Variants in CIART observed in about 807,000 individuals in gnomAD.
CIART encodes the protein circadian associated repressor of transcription, also known as circadian-associated transcriptional repressor.
In CIART, 7 loss-of-function variants were observed where a neutral mutation model predicts 22.1. That is an observed-to-expected ratio of 0.32 (90% CI 0.18 to 0.59). The LOEUF (loss-of-function observed/expected upper bound fraction) is 0.59. Ranked by LOEUF, CIART falls within the 20% of genes least tolerant of loss-of-function variation. The pLI is 0.86. For synonymous variants in CIART, 163 were observed against 174.6 expected (o/e 0.93, Z 0.53); for missense variants, 440 against 478.0 (o/e 0.92, Z 0.74).
chr1:150,284,148 G>C (rs1487308590), intron 2 of CIART, among the ~76,000 whole-genome samples: 1 of 151,814 alleles, frequency 6.6e-6, no homozygotes, highest in African/African-American at 2.4e-5. Context: ...CTCCCCAGTC[G>C]CTGGGATTAC....
intron 4 of CIART, among the ~76,000 whole-genome samples, chr1:150,286,163 G>GT (rs2101894068): frequency 6.6e-6 from 1 of 152,226 alleles, no homozygotes; most frequent in African/African-American, 2.4e-5. Flanking sequence ...GGAACTGTTT[G>GT]TTTTTTCTTC....
chr1:150,283,001 G>T lies in CIART; in HGVS notation c.-267G>T. The T allele has an allele frequency of 4.1e-6, 1 of 245,634 alleles. No homozygotes were observed. Among genetic ancestry groups the T allele is most frequent in the Non-Finnish European group, 7.8e-6 (1 of 128,428 alleles). The allele number at this position is 245,634 out of a possible 1,614,324, so 15.2% of individuals were successfully genotyped here. A position where few individuals can be genotyped will look rare whatever the true frequency, so the allele number is the denominator to read the frequency against. On this transcript the variant is annotated 5_prime_UTR_variant, in exon 1 of 5. Transcript: ENST00000290363. ...AAAAGAACGGAGGCCGCGTCAGACC[G>T]AGAGCTGCTCTGCGGCGGCCAGAGA...
Position 150,286,536 on chromosome 1 carries a change from C to T in CIART, c.740C>T (p.Pro247Leu), listed in dbSNP as rs782713096. ...CATCTAGCTTTAAAACCAAAGCAGC[C>T]TTGGCACCTCACACAATGGCCAGCT... The part of the protein sequence containing the change: ...LGHLALKPKQ[P>L]WHLTQWPAMN... The change falls in exon 5 of 5, where the codon CCT (proline) becomes CTT (leucine). Residue 247 changes from proline to leucine, a missense_variant. Coordinates refer to ENST00000290363, the MANE Select transcript of CIART (RefSeq NM_144697.4). The T allele has an allele frequency of 5.0e-6, 8 of 1,600,032 alleles. No individual in the cohort carries two copies. The South Asian group carries it at 7.7e-5, about 15-fold the overall frequency.
In CIART at chr1:150,286,918, T is replaced by G. The variant is rs782712457; in HGVS notation, c.1122T>G (p.Pro374=). ...IGHREQQRSH[P]PVAADAHLLN... ...ACCGGGAGCAGCAGAGAAGCCATCC[T>G]CCAGTTGCTGCTGATGCTCATCTTC... Residue 374 remains proline, a synonymous_variant, in exon 5 of 5, where the codon CCT becomes CCG. Transcript: ENST00000290363. 3 of 1,593,546 alleles carry G rather than the reference T, an allele frequency of 1.9e-6. No individual in the cohort carries two copies. The African/African-American group carries it at 4.0e-5, about 21-fold the overall frequency.
intron 4 of CIART, chr1:150,285,547 A>AG (rs1408252137): frequency 6.2e-6 from 1 of 160,104 alleles, no homozygotes; most frequent in African/African-American, 2.4e-5. Context: ...AAAAAAAAAA[A>AG]AAGTGACCTA....
intron 2 of CIART, 136 bp downstream of exon 2, chr1:150,284,016 T>C: frequency 2.2e-6 from 1 of 465,054 alleles, no homozygotes; most frequent in Non-Finnish European, 3.7e-6. Context: ...ATTATTATTA[T>C]TATTATTATT....
chr1:150,284,168 C>A (rs1002646866), intron 2 of CIART, among the ~76,000 whole-genome samples: 1 of 152,068 alleles, frequency 6.6e-6, no homozygotes, highest in Non-Finnish European at 1.5e-5. Context: ...CAGGCGCCCA[C>A]CACCATGCCC....
At position 150,286,973 on chromosome 1, in the gene CIART, C is replaced by G; in HGVS notation, c.*19C>G. The G allele has an allele frequency of 4.0e-6, 6 of 1,508,200 alleles. No individual in the cohort carries two copies. The highest frequency in any genetic ancestry group is 5.3e-6 in the Non-Finnish European group (6 of 1,121,500). The allele number at this position is 1,508,200 out of a possible 1,614,324, so 93.4% of individuals were successfully genotyped here. A position where few individuals can be genotyped will look rare whatever the true frequency, so the allele number is the denominator to read the frequency against. ...CCTCTAGCCCAGGGCATACAGCTGT[C>G]CACTGTGACTTCTAATTTGTGTAAA... On this transcript the variant is annotated 3_prime_UTR_variant, in exon 5 of 5. Coordinates refer to ENST00000290363, the MANE Select transcript of CIART (RefSeq NM_144697.4).
At chr1:150,285,091 T>G in intron 4 of CIART, 1 of 242,314 alleles carries the variant, frequency 4.1e-6, no homozygotes, top group Non-Finnish European at 8.0e-6. Flanking sequence ...CTTCTTTTCA[T>G]TTCTGCCCAC....
intron 4 of CIART, among the ~76,000 whole-genome samples, chr1:150,286,121 A>C (rs1653471431): frequency 6.6e-6 from 1 of 152,098 alleles, no homozygotes; most frequent in African/African-American, 2.4e-5. Context: ...GAAATTCTAA[A>C]AGGGATTATT....
intron 2 of CIART, 123 bp downstream of exon 2, chr1:150,284,003 T>TATTATTATTATTATTATTA (rs1553854144): frequency 1.8e-5 from 9 of 490,042 alleles, no homozygotes; most frequent in Admixed American, 1.3e-4. Context: ...CTACTATGAC[T>TATTATTATTATTATTATTA]TTATTATTAT....
chr1:150,283,999 T>C, intron 2 of CIART, 119 bp downstream of exon 2: 1 of 617,000 alleles, frequency 1.6e-6, no homozygotes, highest in Non-Finnish European at 2.8e-6. Flanking sequence ...TTTGCTACTA[T>C]GACTTTATTA....
At position 150,287,090 on chromosome 1, in the gene CIART, T is replaced by A; in HGVS notation, c.*136T>A. 1 of 883,898 alleles carries A rather than the reference T, an allele frequency of 1.1e-6. No individual in the cohort carries two copies. Among genetic ancestry groups the A allele is most frequent in the Non-Finnish European group, 1.6e-6 (1 of 631,714 alleles). 54.8% of individuals were successfully genotyped at this position (883,898 alleles called of 1,614,324 possible). A position where few individuals can be genotyped will look rare whatever the true frequency, so the allele number is the denominator to read the frequency against. Reference sequence around the variant, plus strand: ...CTGATTAAAGAAATTTTTTTATACCTAAACAGTTTGCTGATTGGGGGAAAT... The same window carrying A: ...CTGATTAAAGAAATTTTTTTATACCAAAACAGTTTGCTGATTGGGGGAAAT... On this transcript the variant is annotated 3_prime_UTR_variant, in exon 5 of 5. Transcript: ENST00000290363.
Position 150,283,594 on chromosome 1 carries a change from A to C in CIART, c.327A>C (p.Gln109His). The change falls in exon 1 of 5, where the codon CAA (glutamine) becomes CAC (histidine). Residue 109 changes from glutamine (Q) to histidine (H), a missense_variant. By Grantham distance (24) the Gln-to-His change is conservative. Coordinates refer to ENST00000290363, the MANE Select transcript of CIART (RefSeq NM_144697.4). Reference protein sequence around the residue: ...DGELETSLNTQGCTTEGDLLF... With the variant: ...DGELETSLNTHGCTTEGDLLF... ...AACTGGAGACCAGTCTAAACACCCA[A>C]GGTTGTACCACAGAGGGAGACCTGC... The C allele has an allele frequency of 1.2e-6, 2 of 1,613,962 alleles. No individual in the cohort carries two copies. The highest frequency in any genetic ancestry group is 2.2e-5 in the South Asian group (2 of 91,070).
intron 4 of CIART, 159 bp downstream of exon 4, chr1:150,284,867 A>T (rs1572130129): frequency 6.9e-6 from 4 of 582,190 alleles, no homozygotes; most frequent in Non-Finnish European, 1.2e-5. Flanking sequence ...CTTGATTCCT[A>T]CATGTTTTGT....
At position 150,283,145 on chromosome 1, in the gene CIART, A is replaced by G. The variant is rs587626639; in HGVS notation, c.-123A>G. 1.3e-5 allele frequency: 14 copies of G among 1,060,144 alleles called. No individual in the cohort carries two copies. The Admixed American group carries it at 1.8e-4, about 14-fold the overall frequency. 65.7% of individuals were successfully genotyped at this position (1,060,144 alleles called of 1,614,324 possible). ...GTATTATCCCACGCAGTACACCCCA[A>G]TCTCCCAGTTCATTTCCTAATCCTT... is the stretch of plus-strand genomic sequence containing the variant. On this transcript the variant is annotated 5_prime_UTR_variant, in exon 1 of 5. Transcript: ENST00000290363.
chr1:150,283,137 A>G lies in CIART; in HGVS notation c.-131A>G. On this transcript the variant is annotated 5_prime_UTR_variant, in exon 1 of 5. Transcript: ENST00000290363. ...GAGAACAAGTATTATCCCACGCAGT[A>G]CACCCCAATCTCCCAGTTCATTTCC... 1.0e-6 allele frequency: 1 copy of G among 963,262 alleles called. No individual in the cohort carries two copies. The highest frequency in any genetic ancestry group is 1.5e-6 in the Non-Finnish European group (1 of 670,038). 59.7% of individuals were successfully genotyped at this position (963,262 alleles called of 1,614,324 possible).
At position 150,286,647 on chromosome 1, in the gene CIART, T is replaced by C. The variant is rs1653505552; in HGVS notation, c.851T>C (p.Leu284Ser). 8.7e-6 allele frequency: 14 copies of C among 1,613,982 alleles called. No individual in the cohort carries two copies. The highest frequency in any genetic ancestry group is 1.1e-5 in the Non-Finnish European group (13 of 1,179,840). Reference protein sequence around the residue: ...PGTISFSHGPLGTGTGIGVIL... With the variant: ...PGTISFSHGPSGTGTGIGVIL... ...ACTATCTCCTTTAGCCATGGTCCTT[T>C]AGGCACTGGAACCGGCATTGGCGTC... The change falls in exon 5 of 5, where the codon TTA becomes TCA. Residue 284 changes from leucine to serine, a missense_variant. By Grantham distance (145) the Leu-to-Ser change is moderately radical. Coordinates refer to ENST00000290363, the MANE Select transcript of CIART (RefSeq NM_144697.4).
Position 150,286,490 on chromosome 1 carries a change from A to C in CIART, c.694A>C (p.Met232Leu), listed in dbSNP as rs1553854651. ...ASSPASPMEKMDQTQLGHLAL... is the reference protein window; with the variant it reads ...ASSPASPMEKLDQTQLGHLAL... ...CTCTCCTGCATCTCCTATGGAAAAG[A>C]TGGACCAGACACAGCTAGGACATCT... The change falls in exon 5 of 5, where the codon ATG becomes CTG. Residue 232 changes from methionine to leucine, a missense_variant. Coordinates refer to ENST00000290363, the MANE Select transcript of CIART (RefSeq NM_144697.4). 6.3e-7 allele frequency: 1 copy of C among 1,588,040 alleles called. No homozygotes were observed. Among genetic ancestry groups the C allele is most frequent in the Admixed American group, 1.7e-5 (1 of 59,968 alleles).
Sources: allele counts gnomAD v4.1 joint callset (sites outside exome capture counted in the v4.1 genomes callset), GRCh38; gene constraint gnomAD v4.1.1; transcripts MANE v1.5; gene names NCBI Gene and HGNC (gene_info 2026-07-23, HGNC 2026-07-21).